LPIN1: variants seen among roughly 807,000 people sequenced by gnomAD.
The protein encoded by LPIN1 is lipin 1, also known as phosphatidate phosphatase LPIN1.
Under a neutral mutation model 107.5 loss-of-function variants are expected in LPIN1, and 71 were observed. That is an observed-to-expected ratio of 0.66 (90% CI 0.55 to 0.80). The LOEUF (loss-of-function observed/expected upper bound fraction) is 0.80. LPIN1 is among the 30% of genes least tolerant of loss of function. The probability of loss-of-function intolerance (pLI) is 0.00; values close to 1 mark genes in which losing one functional copy is unlikely to be tolerated. For synonymous variants in LPIN1, 445 were observed against 452.6 expected, an observed-to-expected ratio of 0.98 and a Z score of 0.21; for missense variants, 1,043 against 1,160.6, an observed-to-expected ratio of 0.90 and a Z score of 1.47.
At chr2:11,708,310 AG>A (rs1273639885) in intron 1 of LPIN1, among the ~76,000 whole-genome samples, 4 of 152,198 alleles carry the variant, frequency 2.6e-5, no homozygotes, top group East Asian at 1.9e-4. Flanking sequence ...TTATTTGCCA[AG>A]GGGGGGACTC....
intron 1 of LPIN1, among the ~76,000 whole-genome samples, chr2:11,762,857 G>A (rs1465310092): frequency 6.6e-6 from 1 of 152,174 alleles, no homozygotes; most frequent in African/African-American, 2.4e-5. Flanking sequence ...CACACGTGGT[G>A]TTTCCTGGAG....
intron 17 of LPIN1, among the ~76,000 whole-genome samples, chr2:11,813,488 G>A (rs1388790762): frequency 1.3e-5 from 2 of 152,080 alleles, no homozygotes; most frequent in Non-Finnish European, 2.9e-5. Flanking sequence ...ACAGCGGCCG[G>A]GCAGAGGTGC....
chr2:11,801,897 A>G (rs1352669897), intron 14 of LPIN1, among the ~76,000 whole-genome samples: 1 of 152,178 alleles, frequency 6.6e-6, no homozygotes, highest in Non-Finnish European at 1.5e-5. Flanking sequence ...CCCCATAAAT[A>G]TGTATAATTA....
chr2:11,707,568 C>T lies in LPIN1; in HGVS notation c.82-6188C>T, dbSNP rs904576881. Among the ~76,000 whole-genome samples the T allele has an allele frequency of 6.6e-6, 1 of 152,188 alleles. No individual in the cohort carries two copies. The highest frequency in any genetic ancestry group is 2.4e-5 in the African/African-American group (1 of 41,444). ...TGTGAGGAGCAGAGCTGATGAGGAG[C>T]AGAAACAGACTGGCTGTGGAGCCAT... On this transcript the variant is annotated intron_variant, in intron 1 of 21. Transcript: ENST00000449576. The surrounding 1 kb of genome is among the most constrained non-coding windows in gnomAD (Gnocchi z 4.2).
intron 1 of LPIN1, among the ~76,000 whole-genome samples, chr2:11,703,460 A>G (rs900737041): frequency 1.3e-5 from 2 of 152,236 alleles, no homozygotes; most frequent in Non-Finnish European, 2.9e-5. Context: ...TTGTATAGAC[A>G]CATATACATG....
chr2:11,692,800 A>G (rs1479906591), intron 1 of LPIN1, among the ~76,000 whole-genome samples: 1 of 152,186 alleles, frequency 6.6e-6, no homozygotes, highest in Non-Finnish European at 1.5e-5. Context: ...GACAATGCTT[A>G]CCTCAAAGTT....
chr2:11,776,660 G>A (rs1190369647), intron 6 of LPIN1, among the ~76,000 whole-genome samples: 1 of 152,182 alleles, frequency 6.6e-6, no homozygotes, highest in Admixed American at 6.5e-5. Flanking sequence ...TGGGCTGTCT[G>A]AATAATGGAG....
chr2:11,690,205 A>G (rs112506135), intron 1 of LPIN1, among the ~76,000 whole-genome samples: 144 of 152,306 alleles, frequency 9.5e-4, no homozygotes, highest in African/African-American at 3.1e-3. Context: ...TCAGTTCATG[A>G]TTTCATGGTT....
At chr2:11,692,789 G>A (rs1271576103) in intron 1 of LPIN1, among the ~76,000 whole-genome samples, 2 of 152,122 alleles carry the variant, frequency 1.3e-5, no homozygotes, top group African/African-American at 2.4e-5. Flanking sequence ...TCAGAAAAAA[G>A]GACAATGCTT....
chr2:11,727,636 A>C (rs906177821), intron 1 of LPIN1, among the ~76,000 whole-genome samples: 3 of 152,188 alleles, frequency 2.0e-5, no homozygotes, highest in Admixed American at 6.5e-5. Context: ...TTATCCATAC[A>C]TCCGTCTTAT....
intron 1 of LPIN1, among the ~76,000 whole-genome samples, chr2:11,708,173 G>A (rs1663220006): frequency 6.6e-6 from 1 of 152,156 alleles, no homozygotes; most frequent in Non-Finnish European, 1.5e-5. Flanking sequence ...CAGGGAATGG[G>A]CATTACCCTT....
At chr2:11,797,445 C>T (rs540201935) in intron 14 of LPIN1, among the ~76,000 whole-genome samples, 1 of 152,376 alleles carries the variant, frequency 6.6e-6, no homozygotes, top group Admixed American at 6.5e-5. Flanking sequence ...TTTCTGTTGG[C>T]TGAATGCAGG....
At chr2:11,809,765 C>T (rs1375458502) in intron 17 of LPIN1, among the ~76,000 whole-genome samples, 1 of 152,132 alleles carries the variant, frequency 6.6e-6, no homozygotes, top group Non-Finnish European at 1.5e-5. Flanking sequence ...TTCATGTCAG[C>T]ACTTCTTTGT....
chr2:11,705,287 G>GA (rs1007973267), intron 1 of LPIN1, among the ~76,000 whole-genome samples: 14 of 150,920 alleles, frequency 9.3e-5, no homozygotes, highest in Admixed American at 2.0e-4. Flanking sequence ...ACTGTATATT[G>GA]AAAAAAAAAT....
intron 1 of LPIN1, among the ~76,000 whole-genome samples, chr2:11,696,359 C>T (rs940639910): frequency 6.6e-6 from 1 of 152,046 alleles, no homozygotes; most frequent in Non-Finnish European, 1.5e-5. Context: ...ATGCCAGAAT[C>T]CCCAGCTTCC....
chr2:11,689,090 C>T (rs745478321), intron 1 of LPIN1, among the ~76,000 whole-genome samples: 5 of 152,200 alleles, frequency 3.3e-5, no homozygotes, highest in Non-Finnish European at 5.9e-5. Context: ...CGAAGTGCTT[C>T]GAAAATGAAC....
At chr2:11,692,320 G>A (rs976799388) in intron 1 of LPIN1, among the ~76,000 whole-genome samples, 3 of 150,460 alleles carry the variant, frequency 2.0e-5, no homozygotes, top group Non-Finnish European at 4.4e-5. Flanking sequence ...GCACATACTT[G>A]GCACATACTG....
At chr2:11,683,483 G>A (rs995037444) in intron 1 of LPIN1, among the ~76,000 whole-genome samples, 2 of 152,174 alleles carry the variant, frequency 1.3e-5, no homozygotes, top group Non-Finnish European at 2.9e-5. Flanking sequence ...CCCATGAGTC[G>A]CCCTTTGGGA....
At chr2:11,694,474 C>A (rs183611572) in intron 1 of LPIN1, among the ~76,000 whole-genome samples, 45 of 152,312 alleles carry the variant, frequency 3.0e-4, no homozygotes, top group African/African-American at 1.1e-3. Context: ...CTTCCGTGCC[C>A]TCTGAACTTC....
Sources: allele counts gnomAD v4.1 joint callset (sites outside exome capture counted in the v4.1 genomes callset), GRCh38; gene constraint gnomAD v4.1.1; non-coding constraint Gnocchi (gnomAD v3.1); transcripts MANE v1.5; gene names NCBI Gene and HGNC (gene_info 2026-07-23, HGNC 2026-07-21).